The following SYT1 variants were observed in gnomAD, a reference collection of about 807,000 sequenced individuals.
The protein encoded by SYT1 is synaptotagmin-1.
Under a neutral mutation model 44.8 loss-of-function variants are expected in SYT1, and 8 were observed. The observed-to-expected ratio is 0.18, with a 90% CI of 0.10 to 0.32. The LOEUF (loss-of-function observed/expected upper bound fraction) is 0.32. SYT1 is among the 10% of genes least tolerant of loss of function. The probability of loss-of-function intolerance (pLI) is 1.00; values close to 1 mark genes in which losing one functional copy is unlikely to be tolerated. For missense variants in SYT1, 286 were observed against 509.3 expected, an observed-to-expected ratio of 0.56 and a Z score of 4.22; for synonymous variants, 154 against 188.8, an observed-to-expected ratio of 0.82 and a Z score of 1.51.
At chr12:79,081,720 G>A (rs1241867462) in intron 3 of SYT1, among the ~76,000 whole-genome samples, 1 of 151,998 alleles carries the variant, frequency 6.6e-6, no homozygotes. Context: ...GGCCTATTCT[G>A]TATCTAGTCA....
intron 4 of SYT1, among the ~76,000 whole-genome samples, chr12:79,283,330 A>G (rs1033386783): frequency 3.9e-5 from 6 of 152,150 alleles, no homozygotes; most frequent in Admixed American, 3.3e-4. Context: ...TCATAAAACA[A>G]AAGTTTTTCA....
chr12:79,178,758 AATTT>A (rs892940635), intron 3 of SYT1, among the ~76,000 whole-genome samples: 29 of 150,850 alleles, frequency 1.9e-4, no homozygotes, highest in African/African-American at 3.9e-4. Flanking sequence ...TCAAAACAGT[AATTT>A]GTTTATTTAT....
intron 4 of SYT1, among the ~76,000 whole-genome samples, chr12:79,257,803 A>G (rs1037935946): frequency 7.9e-5 from 12 of 152,216 alleles, no homozygotes; most frequent in Admixed American, 7.2e-4. Flanking sequence ...AAAGAAAAGC[A>G]TCTGACTATT....
chr12:79,055,743 T>C (rs571896791), intron 3 of SYT1, among the ~76,000 whole-genome samples: 7 of 152,192 alleles, frequency 4.6e-5, no homozygotes, highest in African/African-American at 1.7e-4. Flanking sequence ...CAGAAATTAA[T>C]ATAGTAACAT....
intron 4 of SYT1, among the ~76,000 whole-genome samples, chr12:79,280,668 TAA>T (rs1010448864): frequency 6.6e-6 from 1 of 151,706 alleles, no homozygotes; most frequent in Non-Finnish European, 1.5e-5. Flanking sequence ...GGACTTAAAT[TAA>T]AAAACTTCTG....
intron 3 of SYT1, among the ~76,000 whole-genome samples, chr12:79,132,932 T>C (rs958345322): frequency 6.6e-6 from 1 of 152,096 alleles, no homozygotes; most frequent in African/African-American, 2.4e-5. Flanking sequence ...AATAAAATCC[T>C]GTCATTTGCA....
chr12:79,401,588 G>T (rs1885068428), intron 9 of SYT1, among the ~76,000 whole-genome samples: 1 of 151,260 alleles, frequency 6.6e-6, no homozygotes, highest in South Asian at 2.1e-4. Flanking sequence ...TTACTTTTCA[G>T]TTTTCTTCAT....
chr12:78,947,781 T>A (rs1878747266), intron 1 of SYT1, among the ~76,000 whole-genome samples: 1 of 151,806 alleles, frequency 6.6e-6, no homozygotes, highest in South Asian at 2.1e-4. Flanking sequence ...TCGAGTCTAT[T>A]CCAGGAGGGA....
At chr12:78,895,591 T>C (rs1184075418) in intron 1 of SYT1, among the ~76,000 whole-genome samples, 3 of 151,858 alleles carry the variant, frequency 2.0e-5, no homozygotes, top group African/African-American at 4.8e-5. Context: ...GTTGTTGATC[T>C]ATATACTTAC....
chr12:79,067,856 G>T (rs2137884186), intron 3 of SYT1, among the ~76,000 whole-genome samples: 1 of 152,320 alleles, frequency 6.6e-6, no homozygotes, highest in East Asian at 1.9e-4. Context: ...TAAAGACTCA[G>T]AATATATTTG....
At chr12:79,054,561 T>C (rs929440362) in intron 3 of SYT1, among the ~76,000 whole-genome samples, 7 of 152,014 alleles carry the variant, frequency 4.6e-5, no homozygotes, top group African/African-American at 1.7e-4. Flanking sequence ...CTACATTATC[T>C]GGACTTATTT....
intron 2 of SYT1, among the ~76,000 whole-genome samples, chr12:78,994,486 CTT>C (rs376614789): frequency 0.047 from 6,124 of 130,638 alleles, 176 homozygotes; most frequent in Admixed American, 0.083. Context: ...TTTTCTTCTC[CTT>C]TTTTTTTTTT....
rs201690348 is a variant in SYT1 at position 79,150,323 on chromosome 12, T to C, written c.-17-67180T>C. 2.6e-5 allele frequency among the ~76,000 whole-genome samples: 4 copies of C among 152,286 alleles called. No individual in the cohort carries two copies. The East Asian group carries it at 7.7e-4, about 29-fold the overall frequency. ...AACAACATGAATGAACCTAGAAGACTTTATTCTAAGTAAAATAAGCAGGCA... is the reference window on the plus strand; with the variant it reads ...AACAACATGAATGAACCTAGAAGACCTTATTCTAAGTAAAATAAGCAGGCA... On this transcript the variant is annotated intron_variant, in intron 3 of 10. Transcript: ENST00000261205.
At chr12:78,939,237 T>C (rs1374289468) in intron 1 of SYT1, among the ~76,000 whole-genome samples, 1 of 152,224 alleles carries the variant, frequency 6.6e-6, no homozygotes, top group Non-Finnish European at 1.5e-5. Context: ...ATGTGGACTA[T>C]GAGTTATTAA....
intron 1 of SYT1, among the ~76,000 whole-genome samples, chr12:78,888,655 T>C (rs1184579693): frequency 1.3e-5 from 2 of 151,944 alleles, no homozygotes; most frequent in Non-Finnish European, 2.9e-5. Flanking sequence ...AGATCACTTC[T>C]TCTAGTCACC....
At chr12:78,871,451 C>G (rs1346803354) in intron 1 of SYT1, among the ~76,000 whole-genome samples, 1 of 151,976 alleles carries the variant, frequency 6.6e-6, no homozygotes, top group Non-Finnish European at 1.5e-5. Context: ...TTACTGGTCT[C>G]CAATATCCTA....
chr12:78,972,689 A>T (rs1868466885), intron 1 of SYT1, among the ~76,000 whole-genome samples: 1 of 151,894 alleles, frequency 6.6e-6, no homozygotes, highest in Admixed American at 6.6e-5. Flanking sequence ...ACTGTGAAAA[A>T]TCTATTAATA....
At chr12:79,025,172 C>T (rs895419987) in intron 2 of SYT1, among the ~76,000 whole-genome samples, 7 of 151,826 alleles carry the variant, frequency 4.6e-5, no homozygotes, top group South Asian at 2.1e-4. Flanking sequence ...AGTATTTTGA[C>T]GTGATACATG....
chr12:79,295,913 T>C (rs1879853427), intron 6 of SYT1, among the ~76,000 whole-genome samples, 156 bp from the exon 7 acceptor site: 1 of 152,220 alleles, frequency 6.6e-6, no homozygotes, highest in South Asian at 2.1e-4. Flanking sequence ...GCTCAGTTCA[T>C]TTGCCTTCTG....
Sources: gnomAD v4.1 joint callset for allele counts (sites outside exome capture counted in the v4.1 genomes callset) on GRCh38, gnomAD v4.1.1 for gene constraint, MANE v1.5 for transcripts, NCBI Gene and HGNC (gene_info 2026-07-23, HGNC 2026-07-21) for gene names.